Variants in MRPL48 observed in about 807,000 individuals in gnomAD.
MRPL48 encodes large ribosomal subunit protein mL48.
Under a neutral mutation model 32.9 loss-of-function variants are expected in MRPL48, and 16 were observed. That is an observed-to-expected ratio of 0.49 (90% CI 0.33 to 0.74). The LOEUF (loss-of-function observed/expected upper bound fraction) is 0.74, where lower values mean the gene tolerates loss of function less well. Ranked by LOEUF, MRPL48 falls within the 30% of genes least tolerant of loss-of-function variation. The probability of loss-of-function intolerance (pLI) is 0.02; values close to 1 mark genes in which losing one functional copy is unlikely to be tolerated. For missense variants in MRPL48, 206 were observed against 245.3 expected (o/e 0.84, Z 1.07); for synonymous variants, 94 against 89.2 (o/e 1.05, Z -0.31).
intron 4 of MRPL48, among the ~76,000 whole-genome samples, chr11:73,833,288 G>A (rs993863786): frequency 3.3e-5 from 5 of 151,846 alleles, no homozygotes; most frequent in Non-Finnish European, 7.4e-5. Flanking sequence ...CTAAGTACAG[G>A]GAGTGACTCA....
In MRPL48 at chr11:73,831,258, G is replaced by A. The variant is rs770240027; in HGVS notation, c.201+5462G>A. ...GGAGTAGATGAGAGATAAAAATGAG[G>A]CTTTTTCTCAGGTGGCAGCATGGGG... On this transcript the variant is annotated intron_variant, in intron 4 of 7. Transcript: ENST00000310614. Among the ~76,000 whole-genome samples, 77 of 152,174 alleles carry A rather than the reference G, an allele frequency of 5.1e-4. 1 individual carries two copies. The highest frequency in any genetic ancestry group is 4.0e-3 in the Admixed American group (61 of 15,278).
chr11:73,794,534 A>G (rs953110339), intron 1 of MRPL48, among the ~76,000 whole-genome samples: 4 of 151,284 alleles, frequency 2.6e-5, no homozygotes, highest in African/African-American at 9.7e-5. Context: ...CAGCCTGGGC[A>G]ACAAGAGTGA....
At chr11:73,804,914 G>A (rs763088499) in intron 1 of MRPL48, 113 bp from the exon 2 acceptor site, 1 of 871,138 alleles carries the variant, frequency 1.1e-6, no homozygotes, top group Admixed American at 2.9e-5. Flanking sequence ...TTAGATAAGA[G>A]CCTTTTTGTC....
At chr11:73,815,439 C>G (rs192818150) in intron 3 of MRPL48, among the ~76,000 whole-genome samples, 110 of 152,070 alleles carry the variant, frequency 7.2e-4, no homozygotes, top group Middle Eastern at 6.8e-3. Context: ...TGTGTTTTTC[C>G]TGGAGGTTTG....
chr11:73,810,127 T>C (rs1947538729), intron 3 of MRPL48, among the ~76,000 whole-genome samples: 1 of 152,244 alleles, frequency 6.6e-6, no homozygotes, highest in African/African-American at 2.4e-5. Context: ...TTACCCACTA[T>C]TTAGATTCAA....
chr11:73,833,255 T>C (rs1467155198), intron 4 of MRPL48, among the ~76,000 whole-genome samples: 2 of 151,744 alleles, frequency 1.3e-5, no homozygotes, highest in African/African-American at 2.4e-5. Flanking sequence ...GTGAAGAACA[T>C]AGAAAAGCTC....
intron 7 of MRPL48, 130 bp from the exon 8 acceptor site, chr11:73,864,166 A>G (rs1948629777): frequency 1.4e-6 from 1 of 729,188 alleles, no homozygotes; most frequent in African/African-American, 1.8e-5. Context: ...CATAGTAGAT[A>G]ATAAAAGTTA....
intron 4 of MRPL48, among the ~76,000 whole-genome samples, chr11:73,829,046 A>G (rs1189829695): frequency 6.6e-6 from 1 of 152,070 alleles, no homozygotes; most frequent in Non-Finnish European, 1.5e-5. Flanking sequence ...TCATGCTCTG[A>G]CCCACTCCAT....
intron 2 of MRPL48, among the ~76,000 whole-genome samples, chr11:73,806,889 T>G (rs1003187876): frequency 6.6e-6 from 1 of 152,112 alleles, no homozygotes; most frequent in Non-Finnish European, 1.5e-5. Flanking sequence ...TCTTTATTTT[T>G]TTGAGACAGA....
chr11:73,828,755 CT>C (rs564348569), intron 4 of MRPL48, among the ~76,000 whole-genome samples: 1,619 of 139,588 alleles, frequency 0.012, 16 homozygotes, highest in African/African-American at 0.025. Context: ...CATCCCCCTT[CT>C]TTTTTTTTTT....
chr11:73,844,790 CTT>C lies in MRPL48; in HGVS notation c.202-15_202-14del, dbSNP rs1948256672. On this transcript the variant is annotated splice_polypyrimidine_tract_variant and intron_variant, in intron 4 of 7. Coordinates refer to ENST00000310614, the MANE Select transcript of MRPL48 (RefSeq NM_016055.6). ...GTATAATACTTTATTTTCTTTCTCT[CTT>C]TGTTTTCTCTTCAGCCCAAGAAGAA... 1.2e-6 allele frequency: 2 copies of C among 1,604,398 alleles called. No homozygotes were observed. The highest frequency in any genetic ancestry group is 1.3e-5 in the African/African-American group (1 of 74,254).
At chr11:73,804,431 C>T (rs1389155033) in intron 1 of MRPL48, among the ~76,000 whole-genome samples, 1 of 152,074 alleles carries the variant, frequency 6.6e-6, no homozygotes, top group East Asian at 1.9e-4. Flanking sequence ...CATGCACCAC[C>T]ATGCCCGGCT....
chr11:73,851,693 A>G (rs1189830237), intron 5 of MRPL48, among the ~76,000 whole-genome samples: 1 of 152,126 alleles, frequency 6.6e-6, no homozygotes, highest in African/African-American at 2.4e-5. Flanking sequence ...AGCACCCACT[A>G]CAAGGCCTGC....
At chr11:73,822,178 T>C (rs1161446698) in intron 3 of MRPL48, among the ~76,000 whole-genome samples, 5 of 152,136 alleles carry the variant, frequency 3.3e-5, no homozygotes, top group African/African-American at 1.2e-4. Context: ...TTCTGTGCTC[T>C]TTGGGAACCT....
intron 6 of MRPL48, among the ~76,000 whole-genome samples, chr11:73,862,380 C>G (rs1362213848): frequency 6.6e-6 from 1 of 152,060 alleles, no homozygotes; most frequent in Admixed American, 6.6e-5. Context: ...CAAGATTGCA[C>G]CATTGCACTC....
Position 73,859,952 on chromosome 11 carries a change from C to T in MRPL48, c.417C>T (p.Asp139=). The change falls in exon 6 of 8, where the codon GAC becomes GAT. Residue 139 remains aspartate (D), a synonymous_variant. Transcript: ENST00000310614. ...TKTIEVLQLQ[D]QGSKMLLDSV... ...CCATAGAAGTGTTGCAGTTGCAGGA[C>T]CAAGGCAGCAAAATGCTCCTGGACT... 2 of 1,613,844 alleles carry T rather than the reference C, an allele frequency of 1.2e-6. No homozygotes were observed. The highest frequency in any genetic ancestry group is 3.3e-5 in the Admixed American group (2 of 60,014).
chr11:73,798,001 C>A lies in MRPL48; in HGVS notation c.22-7026C>A, dbSNP rs372722049. Among the ~76,000 whole-genome samples the A allele has an allele frequency of 7.2e-5, 11 of 152,240 alleles. No individual in the cohort carries two copies. The East Asian group carries it at 1.5e-3, about 21-fold the overall frequency. ...TTGTGCTCCTAACAGCCATAAGGAC[C>A]CAATCCAAAGGCAGACTTTGATAAT... On this transcript the variant is annotated intron_variant, in intron 1 of 7. Coordinates refer to ENST00000310614, the MANE Select transcript of MRPL48 (RefSeq NM_016055.6).
At chr11:73,791,780 T>A (rs1174182125) in intron 1 of MRPL48, among the ~76,000 whole-genome samples, 2 of 152,190 alleles carry the variant, frequency 1.3e-5, no homozygotes, top group Non-Finnish European at 2.9e-5. Flanking sequence ...AGTAGGTACC[T>A]GGTAAATGTC....
chr11:73,825,273 GT>G (rs949573597), intron 3 of MRPL48, among the ~76,000 whole-genome samples: 1 of 121,102 alleles, frequency 8.3e-6, no homozygotes, highest in Non-Finnish European at 1.7e-5. Flanking sequence ...CTGTTACCTT[GT>G]TTTTTATATA....
Sources: gnomAD v4.1 joint callset for allele counts (sites outside exome capture counted in the v4.1 genomes callset) on GRCh38, gnomAD v4.1.1 for gene constraint, MANE v1.5 for transcripts, NCBI Gene and HGNC (gene_info 2026-07-23, HGNC 2026-07-21) for gene names.